The following LPP variants were observed in gnomAD, a reference collection of about 807,000 sequenced individuals.
The protein encoded by LPP is lipoma-preferred partner.
LPP carries 38 observed loss-of-function variants against 60.4 expected under a neutral mutation model. The ratio of observed to expected loss-of-function variants is 0.63; its 90% CI spans 0.49 to 0.83. The LOEUF (loss-of-function observed/expected upper bound fraction) is 0.83. Ranked by LOEUF, LPP falls within the 40% of genes least tolerant of loss-of-function variation. LPP has a pLI of 0.00. For missense variants in LPP, 902 were observed against 783.6 expected, an observed-to-expected ratio of 1.15 and a Z score of -1.80; for synonymous variants, 328 against 290.8, an observed-to-expected ratio of 1.13 and a Z score of -1.30.
intron 5 of LPP, among the ~76,000 whole-genome samples, chr3:188,507,708 G>A (rs769962356): frequency 2.6e-5 from 4 of 152,148 alleles, no homozygotes; most frequent in Non-Finnish European, 5.9e-5. Flanking sequence ...GAAGGGAATG[G>A]TGATGTTCTT....
chr3:188,507,908 A>T (rs1814050359), intron 5 of LPP, among the ~76,000 whole-genome samples: 1 of 152,158 alleles, frequency 6.6e-6, no homozygotes, highest in Non-Finnish European at 1.5e-5. Context: ...CAAATAAATA[A>T]TTTTTCTTTA....
At chr3:188,387,763 C>T (rs753911302) in intron 3 of LPP, among the ~76,000 whole-genome samples, 1 of 152,022 alleles carries the variant, frequency 6.6e-6, no homozygotes, top group African/African-American at 2.4e-5. Flanking sequence ...GACAGGGTTT[C>T]ATCATGTTGA....
chr3:188,298,200 C>T (rs1036292126), intron 2 of LPP, among the ~76,000 whole-genome samples: 3 of 152,154 alleles, frequency 2.0e-5, no homozygotes, highest in African/African-American at 7.2e-5. Flanking sequence ...TGATACGATC[C>T]TAATAGGATC....
chr3:188,383,444 TTCCTTAGCATG>T (rs1317267707), intron 3 of LPP, among the ~76,000 whole-genome samples: 5 of 152,230 alleles, frequency 3.3e-5, no homozygotes, highest in African/African-American at 1.2e-4. Flanking sequence ...TTCTTCTTAC[TTCCTTAGCATG>T]GTATGCCACA....
intron 4 of LPP, among the ~76,000 whole-genome samples, chr3:188,426,470 G>C (rs1789367352): frequency 6.6e-6 from 1 of 152,090 alleles, no homozygotes; most frequent in Admixed American, 6.6e-5. Context: ...TATTAGGTCT[G>C]CTTGGTCTAG....
intron 3 of LPP, among the ~76,000 whole-genome samples, chr3:188,389,832 A>G (rs1331062808): frequency 2.6e-5 from 4 of 151,802 alleles, no homozygotes; most frequent in Non-Finnish European, 5.9e-5. Context: ...AAAGAAAAAA[A>G]GAAAGAAATC....
chr3:188,543,504 T>C (rs1825757981), intron 6 of LPP, among the ~76,000 whole-genome samples: 1 of 152,184 alleles, frequency 6.6e-6, no homozygotes. Context: ...AACGATCAGC[T>C]TCCTTGCTTA....
At chr3:188,689,311 A>G (rs1387700977) in intron 7 of LPP, among the ~76,000 whole-genome samples, 2 of 152,226 alleles carry the variant, frequency 1.3e-5, no homozygotes, top group Admixed American at 6.5e-5. Flanking sequence ...GCATATTGCA[A>G]AAGTCAGAAT....
At chr3:188,293,977 A>G (rs1457176923) in intron 2 of LPP, among the ~76,000 whole-genome samples, 1 of 146,780 alleles carries the variant, frequency 6.8e-6, no homozygotes, top group Non-Finnish European at 1.5e-5. Flanking sequence ...GAGGCAGGAG[A>G]ATGGCTTGAA....
chr3:188,841,663 A>C (rs1048891542), intron 9 of LPP, among the ~76,000 whole-genome samples: 6 of 152,028 alleles, frequency 3.9e-5, no homozygotes, highest in Non-Finnish European at 8.8e-5. Context: ...CCCAGCCCTG[A>C]ATTTGTTTTC....
chr3:188,276,379 A>C (rs1739702057), intron 2 of LPP, among the ~76,000 whole-genome samples: 1 of 152,200 alleles, frequency 6.6e-6, no homozygotes, highest in Non-Finnish European at 1.5e-5. Flanking sequence ...ATCTCCAGAC[A>C]TGGAGTGGCA....
intron 3 of LPP, among the ~76,000 whole-genome samples, chr3:188,346,389 A>C (rs1578229122): frequency 6.9e-6 from 1 of 145,946 alleles, no homozygotes; most frequent in Non-Finnish European, 1.5e-5. Flanking sequence ...CCTCCCAAGT[A>C]GCTGGGACTA....
At chr3:188,756,322 T>C (rs1730227199) in intron 8 of LPP, among the ~76,000 whole-genome samples, 1 of 152,236 alleles carries the variant, frequency 6.6e-6, no homozygotes, top group African/African-American at 2.4e-5. Context: ...GCCGGCCCTC[T>C]GTCATCGGAT....
intron 7 of LPP, among the ~76,000 whole-genome samples, chr3:188,680,873 A>G (rs927570934): frequency 1.3e-4 from 20 of 152,136 alleles, no homozygotes; most frequent in African/African-American, 4.6e-4. Flanking sequence ...TCAGCGCTGG[A>G]GCACTGAGTA....
In LPP at chr3:188,760,435, T is replaced by TGTGTGTGTGTGTGCGC. The variant is rs777127864; in HGVS notation, c.1410+154_1410+155insTGTGTGTGTGTGCGCG. The stretch of plus-strand genomic sequence containing the variant: ...GTGTGTGTGTGTGTGTGTGTGTGTG[T>TGTGTGTGTGTGTGCGC]GCGTGCGCGCATGTAAATTAGCATA... On this transcript the variant is annotated intron_variant, in intron 9 of 11. Transcript: ENST00000617246. Among the ~76,000 whole-genome samples, 33 of 151,196 alleles carry TGTGTGTGTGTGTGCGC rather than the reference T, an allele frequency of 2.2e-4. 2 individuals carry two copies. The Middle Eastern group carries it at 0.014, about 63-fold the overall frequency.
intron 2 of LPP, among the ~76,000 whole-genome samples, chr3:188,313,572 G>T (rs1024517531): frequency 6.6e-6 from 1 of 151,592 alleles, no homozygotes; most frequent in Admixed American, 6.6e-5. Flanking sequence ...GGGAGGTGGA[G>T]GTTGCAGTGA....
At chr3:188,857,109 T>C (rs1181532102) in intron 9 of LPP, among the ~76,000 whole-genome samples, 1 of 152,158 alleles carries the variant, frequency 6.6e-6, no homozygotes, top group Non-Finnish European at 1.5e-5. Context: ...TTTCACAAAA[T>C]AGTATATCAC....
chr3:188,593,752 G>A (rs1168302706), intron 6 of LPP, among the ~76,000 whole-genome samples: 2 of 152,102 alleles, frequency 1.3e-5, no homozygotes, highest in Non-Finnish European at 2.9e-5. Context: ...TCTCATCCAG[G>A]TCATTGCAAA....
chr3:188,331,146 T>C (rs1357163825), intron 2 of LPP, among the ~76,000 whole-genome samples: 1 of 152,212 alleles, frequency 6.6e-6, no homozygotes, highest in Non-Finnish European at 1.5e-5. Context: ...TATCTCATGC[T>C]TGGTGTATCA....
Sources: gnomAD v4.1 joint callset for allele counts (sites outside exome capture counted in the v4.1 genomes callset) on GRCh38, gnomAD v4.1.1 for gene constraint, MANE v1.5 for transcripts, NCBI Gene and HGNC (gene_info 2026-07-23, HGNC 2026-07-21) for gene names.